CASZ1: variants seen among roughly 807,000 people sequenced by gnomAD.
The protein encoded by CASZ1 is zinc finger protein castor homolog 1.
Under a neutral mutation model 135.2 loss-of-function variants are expected in CASZ1, and 28 were observed. The observed-to-expected ratio is 0.21, with a 90% CI of 0.15 to 0.28. The LOEUF (loss-of-function observed/expected upper bound fraction) is 0.28. CASZ1 is among the 10% of genes least tolerant of loss of function. The pLI is 1.00. For synonymous variants in CASZ1, 1,068 were observed against 1,073.4 expected, an observed-to-expected ratio of 0.99 and a Z score of 0.10; for missense variants, 2,161 against 2,453.3, an observed-to-expected ratio of 0.88 and a Z score of 2.52.
chr1:10,664,803 C>T (rs763559050), intron 5 of CASZ1, among the ~76,000 whole-genome samples: 9 of 151,952 alleles, frequency 5.9e-5, no homozygotes, highest in African/African-American at 1.7e-4. Context: ...TCCACCCACC[C>T]GTCTATCCCT....
chr1:10,792,340 C>G (rs1426541878), intron 1 of CASZ1, among the ~76,000 whole-genome samples: 4 of 23,938 alleles, frequency 1.7e-4, no homozygotes, highest in African/African-American at 3.4e-4. Context: ...CCCCCCCCCC[C>G]GGCCCCGCAC....
rs1642555852 is a variant in CASZ1, at chr1:10,650,938, C to T, written c.2816+3G>A. On this transcript the variant is annotated splice_donor_region_variant and intron_variant, in intron 12 of 20. Transcript: ENST00000377022. ...CTGGCTCCCATAGGGGGCCTCGCCT[C>T]ACCTGGGCTCCTTCACAGTCAGGTC... 4 of 1,604,930 alleles carry T rather than the reference C, an allele frequency of 2.5e-6. No homozygotes were observed. In the Admixed American group the frequency reaches 7.0e-5, roughly 28 times the overall value.
chr1:10,746,049 C>G (rs1640034265), intron 2 of CASZ1, among the ~76,000 whole-genome samples: 1 of 152,224 alleles, frequency 6.6e-6, no homozygotes, highest in Non-Finnish European at 1.5e-5. Flanking sequence ...TGGCCCCATT[C>G]ACAGGTGAAG....
chr1:10,752,619 G>T (rs1227695324), intron 2 of CASZ1, among the ~76,000 whole-genome samples: 1 of 152,194 alleles, frequency 6.6e-6, no homozygotes, highest in African/African-American at 2.4e-5. Flanking sequence ...CCCAGGGAGT[G>T]CTGGCTCTTC....
chr1:10,651,147 C>A, intron 11 of CASZ1, 71 bp from the exon 12 acceptor site: 9 of 1,313,338 alleles, frequency 6.9e-6, no homozygotes, highest in Non-Finnish European at 8.9e-6. Context: ...AGCCGCCGTG[C>A]CCCCTGGAGG....
In CASZ1 at chr1:10,647,745, A is replaced by T; in HGVS notation, c.3497+56T>A. On this transcript the variant is annotated intron_variant, in intron 16 of 20. Transcript: ENST00000377022. This position sits in a 1 kb window ranked among gnomAD's most constrained non-coding sequence, Gnocchi z 4.9. ...AGGGCCTCCTAGCGCCCTTGCTAGCACCTACTCCCGAGACGCGAGGGGAAC... is the reference window on the plus strand; with the variant it reads ...AGGGCCTCCTAGCGCCCTTGCTAGCTCCTACTCCCGAGACGCGAGGGGAAC... 3.1e-6 allele frequency: 5 copies of T among 1,607,242 alleles called. No homozygotes were observed. In the South Asian group the frequency reaches 5.5e-5, roughly 18 times the overall value.
At chr1:10,740,620 G>A (rs1639898325) in intron 2 of CASZ1, among the ~76,000 whole-genome samples, 1 of 152,144 alleles carries the variant, frequency 6.6e-6, no homozygotes, top group African/African-American at 2.4e-5. Flanking sequence ...TGGAGGAAGA[G>A]AAACTGCAAA....
In CASZ1 at chr1:10,725,921, C is replaced by A. The variant is rs539740719; in HGVS notation, c.-76-20377G>T. On this transcript the variant is annotated intron_variant, in intron 2 of 20. Coordinates refer to ENST00000377022, the MANE Select transcript of CASZ1 (RefSeq NM_001079843.3). This position sits in a 1 kb window ranked among gnomAD's most constrained non-coding sequence, Gnocchi z 4.4. ...ATGGGCCGGACTTAGGAGGGGGCAG[C>A]ATCCTCAGGATCCCTTAGTAGCAAG... 6.6e-6 allele frequency among the ~76,000 whole-genome samples: 1 copy of A among 152,242 alleles called. No homozygotes were observed. Among genetic ancestry groups the A allele is most frequent in the Admixed American group, 6.5e-5 (1 of 15,290 alleles).
chr1:10,664,725 C>T (rs1230089118), intron 5 of CASZ1, among the ~76,000 whole-genome samples: 3 of 152,090 alleles, frequency 2.0e-5, no homozygotes. Context: ...AAGCTCAGGC[C>T]TCACAGGTGT....
rs896758641 is a variant in CASZ1, at chr1:10,720,822, G to A, written c.-76-15278C>T. 6.6e-6 allele frequency among the ~76,000 whole-genome samples: 1 copy of A among 152,180 alleles called. No individual in the cohort carries two copies. The highest frequency in any genetic ancestry group is 6.5e-5 in the Admixed American group (1 of 15,286). ...AGCTGAGGGAGGGTGAGTGGAAGCT[G>A]GAGGGTTAGGGCTGGCCAAGGGACC... On this transcript the variant is annotated intron_variant, in intron 2 of 20. Transcript: ENST00000377022. This position sits in a 1 kb window ranked among gnomAD's most constrained non-coding sequence, Gnocchi z 5.7.
In CASZ1 at chr1:10,727,337, C is replaced by T. The variant is rs1461033612; in HGVS notation, c.-76-21793G>A. ...CGGCCATCCAGCTCTTCATTCACAA[C>T]TCTCCATGTGTGCTATTCTGGGTAC... On this transcript the variant is annotated intron_variant, in intron 2 of 20. Coordinates refer to ENST00000377022, the MANE Select transcript of CASZ1 (RefSeq NM_001079843.3). The surrounding 1 kb of genome is among the most constrained non-coding windows in gnomAD (Gnocchi z 5.3). 6.6e-6 allele frequency among the ~76,000 whole-genome samples: 1 copy of T among 152,042 alleles called. No homozygotes were observed. Among genetic ancestry groups the T allele is most frequent in the Non-Finnish European group, 1.5e-5 (1 of 68,002 alleles).
Position 10,724,488 on chromosome 1 carries a change from T to C in CASZ1, c.-76-18944A>G, listed in dbSNP as rs1342830831. ...TACCAGCTGTCAGCCACCCCAGGCA[T>C]GTCGGGAGCTAGAACAGTCCTGGTG... On this transcript the variant is annotated intron_variant, in intron 2 of 20. Transcript: ENST00000377022. The surrounding 1 kb of genome is among the most constrained non-coding windows in gnomAD (Gnocchi z 4.1). 1.3e-5 allele frequency among the ~76,000 whole-genome samples: 2 copies of C among 152,160 alleles called. No homozygotes were observed. Among genetic ancestry groups the C allele is most frequent in the Non-Finnish European group, 2.9e-5 (2 of 68,028 alleles).
intron 2 of CASZ1, among the ~76,000 whole-genome samples, chr1:10,729,777 G>A (rs940970852): frequency 7.9e-5 from 12 of 152,194 alleles, no homozygotes; most frequent in Admixed American, 7.9e-4. Flanking sequence ...CTCAGCACAC[G>A]CCCTTCCAGC....
Position 10,646,401 on chromosome 1 carries a change from G to A in CASZ1, c.3498-75C>T. The A allele has an allele frequency of 6.9e-7, 1 of 1,450,590 alleles. No individual in the cohort carries two copies. The highest frequency in any genetic ancestry group is 9.6e-7 in the Non-Finnish European group (1 of 1,046,212). 89.9% of individuals were successfully genotyped at this position (1,450,590 alleles called of 1,614,324 possible). On this transcript the variant is annotated intron_variant, in intron 16 of 20. Transcript: ENST00000377022. This position sits in a 1 kb window ranked among gnomAD's most constrained non-coding sequence, Gnocchi z 6.4. ...CTGCTGGTGTCCTGACTTCACTTGT[G>A]TTGGAGTTCACTCCCCCACGACCAG...
chr1:10,738,918 GTTTTTTT>G (rs752101102), intron 2 of CASZ1, among the ~76,000 whole-genome samples: 15 of 69,178 alleles, frequency 2.2e-4, no homozygotes, highest in African/African-American at 8.3e-4. Context: ...ATGAAGGAAG[GTTTTTTT>G]TTTTTTTTTT....
At position 10,756,879 on chromosome 1, in the gene CASZ1, C is replaced by T. The variant is rs910425102; in HGVS notation, c.-77+3822G>A. 1.3e-5 allele frequency among the ~76,000 whole-genome samples: 2 copies of T among 152,210 alleles called. No homozygotes were observed. Among genetic ancestry groups the T allele is most frequent in the African/African-American group, 4.8e-5 (2 of 41,444 alleles). On this transcript the variant is annotated intron_variant, in intron 2 of 20. Transcript: ENST00000377022. The surrounding 1 kb of genome is among the most constrained non-coding windows in gnomAD (Gnocchi z 5.9). Reference sequence around the variant, plus strand: ...GACCCGGCACGTGGAAAAAGGTGTGCAGAAGCTCAGCCCTTGAGCGCACAG... The same window carrying T: ...GACCCGGCACGTGGAAAAAGGTGTGTAGAAGCTCAGCCCTTGAGCGCACAG...
chr1:10,711,936 G>C lies in CASZ1; in HGVS notation c.-76-6392C>G, dbSNP rs1014430535. ...AGGGACTGGGGGAAGGGGACAGTGA[G>C]GAGGGACTGCTAAGGGGTTCAGGGT... On this transcript the variant is annotated intron_variant, in intron 2 of 20. Transcript: ENST00000377022. This position sits in a 1 kb window ranked among gnomAD's most constrained non-coding sequence, Gnocchi z 4.4. Among the ~76,000 whole-genome samples, 1 of 152,184 alleles carries C rather than the reference G, an allele frequency of 6.6e-6. No homozygotes were observed. The highest frequency in any genetic ancestry group is 1.5e-5 in the Non-Finnish European group (1 of 68,042).
At chr1:10,790,532 T>C (rs1193610225) in intron 1 of CASZ1, among the ~76,000 whole-genome samples, 2 of 152,222 alleles carry the variant, frequency 1.3e-5, no homozygotes, top group Non-Finnish European at 2.9e-5. Flanking sequence ...CGCTGGAGTC[T>C]CAGCATCAGA....
chr1:10,640,850 C>T (rs1222083566), intron 20 of CASZ1, among the ~76,000 whole-genome samples: 3 of 152,168 alleles, frequency 2.0e-5, no homozygotes, highest in African/African-American at 7.2e-5. Context: ...TTTAGGATGC[C>T]CCCCTGCCAA....
Sources: gnomAD v4.1 joint callset for allele counts (sites outside exome capture counted in the v4.1 genomes callset) on GRCh38, gnomAD v4.1.1 for gene constraint, Gnocchi (gnomAD v3.1) non-coding constraint, MANE v1.5 for transcripts, NCBI Gene and HGNC (gene_info 2026-07-23, HGNC 2026-07-21) for gene names.